The following DUSP22 variants were observed in gnomAD, a reference collection of about 807,000 sequenced individuals.
DUSP22 encodes the protein dual specificity phosphatase 22.
A neutral mutation model predicts 24.5 loss-of-function variants in DUSP22; 24 were observed. The observed-to-expected ratio is 0.98, with a 90% CI of 0.71 to 1.38. DUSP22 has a LOEUF of 1.38. Ranked by LOEUF, DUSP22 falls within the 40% of genes most tolerant of loss-of-function variation. DUSP22 has a pLI of 0.00. For synonymous variants in DUSP22, 160 were observed against 106.4 expected (o/e 1.50, Z -3.10); for missense variants, 330 against 269.2 (o/e 1.23, Z -1.58).
At chr6:335,532 T>A (rs1425282147) in intron 4 of DUSP22, among the ~76,000 whole-genome samples, 1 of 152,300 alleles carries the variant, frequency 6.6e-6, no homozygotes, top group Non-Finnish European at 1.5e-5. Context: ...AAATAGATAG[T>A]GAGCCACAAA....
chr6:313,021 T>G (rs1229421409), intron 3 of DUSP22, among the ~76,000 whole-genome samples: 1 of 152,274 alleles, frequency 6.6e-6, no homozygotes, highest in African/African-American at 2.4e-5. Context: ...ATGATTTTAT[T>G]GGAAATAACA....
At chr6:317,920 C>T (rs1052375260) in intron 3 of DUSP22, among the ~76,000 whole-genome samples, 1 of 152,308 alleles carries the variant, frequency 6.6e-6, no homozygotes, top group Non-Finnish European at 1.5e-5. Context: ...GTCTTTGGCC[C>T]CTTGTGGCTC....
chr6:299,833 G>T (rs1036331473), intron 1 of DUSP22, among the ~76,000 whole-genome samples: 1 of 152,306 alleles, frequency 6.6e-6, no homozygotes, highest in Non-Finnish European at 1.5e-5. Context: ...GCATGTGGAA[G>T]TCCACTCAGG....
chr6:311,226 A>G (rs1395812112), intron 2 of DUSP22, among the ~76,000 whole-genome samples: 1 of 152,308 alleles, frequency 6.6e-6, no homozygotes, highest in Non-Finnish European at 1.5e-5. Flanking sequence ...ACCACATAGC[A>G]GATGGCTTCA....
intron 6 of DUSP22, 28 bp from the exon 7 acceptor site, chr6:348,741 G>A (rs764022795): frequency 7.1e-5 from 115 of 1,613,766 alleles, no homozygotes; most frequent in South Asian, 3.5e-4. Flanking sequence ...TGTGTGTGAC[G>A]TTTCGGGTTT....
intron 5 of DUSP22, 58 bp downstream of exon 5, chr6:345,986 A>G (rs879775930): frequency 8.1e-6 from 13 of 1,601,194 alleles, no homozygotes; most frequent in Non-Finnish European, 9.4e-6. Context: ...TTGGCTTCCC[A>G]TCAAGTGTTT....
At chr6:342,083 C>A (rs947570365) in intron 4 of DUSP22, among the ~76,000 whole-genome samples, 2 of 152,308 alleles carry the variant, frequency 1.3e-5, no homozygotes, top group African/African-American at 2.4e-5. Context: ...GTCATCTTTA[C>A]AAGACCTTGG....
At position 350,879 on chromosome 6, in the gene DUSP22, G is replaced by A. The variant is rs1159396994; in HGVS notation, c.*1928G>A. 4 of 1,614,222 alleles carry A rather than the reference G, an allele frequency of 2.5e-6. No homozygotes were observed. The highest frequency in any genetic ancestry group is 4.5e-5 in the East Asian group (2 of 44,892). On this transcript the variant is annotated 3_prime_UTR_variant, in exon 7 of 7. Transcript: ENST00000419235. ...CTCAGAAGACTGTAATGTACCTGAA[G>A]TTTCTGAAATATTGCAAACCCACAG...
chr6:308,320 C>G (rs1292998079), intron 2 of DUSP22, among the ~76,000 whole-genome samples: 1 of 152,308 alleles, frequency 6.6e-6, no homozygotes, highest in Non-Finnish European at 1.5e-5. Flanking sequence ...GGATTCCCAG[C>G]TCATTACCTC....
At chr6:297,266 C>G (rs927356122) in intron 1 of DUSP22, among the ~76,000 whole-genome samples, 2 of 152,306 alleles carry the variant, frequency 1.3e-5, no homozygotes, top group Admixed American at 1.3e-4. Flanking sequence ...ATGATACCTT[C>G]CCCAATTACT....
At chr6:301,019 G>A (rs942459462) in intron 1 of DUSP22, among the ~76,000 whole-genome samples, 2 of 152,298 alleles carry the variant, frequency 1.3e-5, no homozygotes, top group Non-Finnish European at 2.9e-5. Context: ...GACACTCTAG[G>A]CTATCCCTGC....
chr6:335,879 A>C (rs944350078), intron 4 of DUSP22, among the ~76,000 whole-genome samples: 1 of 152,424 alleles, frequency 6.6e-6, no homozygotes, highest in East Asian at 1.9e-4. Context: ...AGGAAAGTCC[A>C]GTCCTCTATT....
At chr6:328,460 A>G (rs1758987367) in intron 3 of DUSP22, among the ~76,000 whole-genome samples, 1 of 152,304 alleles carries the variant, frequency 6.6e-6, no homozygotes, top group African/African-American at 2.4e-5. Flanking sequence ...TGACAAGTCA[A>G]ATGCATGTCG....
intron 3 of DUSP22, among the ~76,000 whole-genome samples, chr6:333,544 G>T (rs562237298): frequency 6.6e-6 from 1 of 152,302 alleles, no homozygotes; most frequent in African/African-American, 2.4e-5. Flanking sequence ...TCTCACTTAG[G>T]TGTTAGTTGC....
intron 2 of DUSP22, among the ~76,000 whole-genome samples, chr6:310,945 A>G (rs1758056719): frequency 6.6e-6 from 1 of 152,312 alleles, no homozygotes; most frequent in Non-Finnish European, 1.5e-5. Flanking sequence ...GAAGAAGCTG[A>G]GGCAAAATTA....
At chr6:325,161 G>A (rs933779793) in intron 3 of DUSP22, 1 of 206,498 alleles carries the variant, frequency 4.8e-6, no homozygotes, top group Middle Eastern at 1.8e-3. Flanking sequence ...GCGTCCTGGT[G>A]TGTGCAGTGC....
chr6:294,573 A>G (rs1757241251), intron 1 of DUSP22, among the ~76,000 whole-genome samples: 3 of 152,288 alleles, frequency 2.0e-5, no homozygotes, highest in Admixed American at 1.3e-4. Flanking sequence ...TAACCAATAT[A>G]TAAAGTTATT....
chr6:332,644 C>CTTTTTTTTTT (rs3053546), intron 3 of DUSP22, among the ~76,000 whole-genome samples: 7 of 148,066 alleles, frequency 4.7e-5, no homozygotes, highest in South Asian at 2.1e-4. Flanking sequence ...TCCTGTCCTT[C>CTTTTTTTTTT]TTTTTTTTTT....
chr6:295,032 A>G (rs1025258484), intron 1 of DUSP22, among the ~76,000 whole-genome samples: 29 of 152,286 alleles, frequency 1.9e-4, no homozygotes, highest in African/African-American at 5.8e-4. Context: ...AACCTTAACT[A>G]GAACTTTTCC....
Sources: allele counts gnomAD v4.1 joint callset (sites outside exome capture counted in the v4.1 genomes callset), GRCh38; gene constraint gnomAD v4.1.1; transcripts MANE v1.5; gene names NCBI Gene and HGNC (gene_info 2026-07-23, HGNC 2026-07-21).